Variants in RGN observed in about 807,000 individuals in gnomAD.
The protein encoded by RGN is regucalcin.
RGN carries 19 observed loss-of-function variants against 20.6 expected under a neutral mutation model. That is an observed-to-expected ratio of 0.92 (90% CI 0.64 to 1.35). The LOEUF (loss-of-function observed/expected upper bound fraction) is 1.35, where lower values mean the gene tolerates loss of function less well. Among genes scored for constraint, RGN ranks in the 40% most tolerant of loss-of-function variants. The pLI is 0.00. For missense variants in RGN, 302 were observed against 232.7 expected (o/e 1.30, Z -1.94); for synonymous variants, 85 against 87.2 (o/e 0.97, Z 0.14).
chrX:47,083,707 T>C (rs1056489687), intron 3 of RGN, among the ~76,000 whole-genome samples: 6 of 111,549 alleles, frequency 5.4e-5, no homozygotes, highest in Non-Finnish European at 1.1e-4. Context: ...GGTCAGGAGT[T>C]CGAAATCAGC....
chrX:47,091,177 C>T (rs1556387699), intron 5 of RGN, among the ~76,000 whole-genome samples: 1 of 111,051 alleles, frequency 9.0e-6, no homozygotes, highest in African/African-American at 3.3e-5. Context: ...CTGAGTGCCC[C>T]TCCTGCAAGA....
chrX:47,090,924 GAAAGAAAGAAAGAAAGA>G (rs1930944180), intron 5 of RGN, among the ~76,000 whole-genome samples: 1 of 22,234 alleles, frequency 4.5e-5, no homozygotes, highest in African/African-American at 1.4e-4. Flanking sequence ...AGGAAAGAAA[GAAAGAAAGAAAGAAAGA>G]AAGAAAGAAA....
chrX:47,082,156 A>G (rs563905563), intron 3 of RGN, among the ~76,000 whole-genome samples: 1 of 111,448 alleles, frequency 9.0e-6, no homozygotes, highest in South Asian at 3.8e-4. Context: ...GAAGGGATTT[A>G]TCACTTTCTA....
chrX:47,081,243 C>G lies in RGN; in HGVS notation c.99C>G (p.Asp33Glu), dbSNP rs1167265020. 10 of 1,207,375 alleles carry G rather than the reference C, an allele frequency of 8.3e-6. No homozygotes were observed. The highest frequency in any genetic ancestry group is 1.1e-5 in the Non-Finnish European group (10 of 893,186). Residue 33 changes from aspartate to glutamate, a missense_variant, in exon 3 of 8, where the codon GAC (aspartate) becomes GAG (glutamate). Coordinates refer to ENST00000397180, the MANE Select transcript of RGN (RefSeq NM_152869.4). The part of the protein sequence containing the change: ...EEVSNSLLFV[D>E]IPAKKVCRWD... ...TGTCCAACTCTCTGCTCTTTGTAGACATTCCTGCAAAAAAGGTTTGCCGGT... is the reference window on the plus strand; with the variant it reads ...TGTCCAACTCTCTGCTCTTTGTAGAGATTCCTGCAAAAAAGGTTTGCCGGT...
chrX:47,091,632 G>C, intron 5 of RGN, 46 bp from the exon 6 acceptor site: 1 of 1,178,413 alleles, frequency 8.5e-7, no homozygotes, highest in Non-Finnish European at 1.1e-6. Context: ...TTAGTGGCCT[G>C]TTGTTTTGTT....
chrX:47,081,798 C>T (rs782713643), intron 3 of RGN, among the ~76,000 whole-genome samples: 4 of 111,846 alleles, frequency 3.6e-5, no homozygotes, highest in Non-Finnish European at 7.5e-5. Context: ...CCACCCACTT[C>T]GACCTCCCAA....
rs1930238992 is a variant in RGN, at chrX:47,080,324, TTC to T, written c.-624_-623del. 1 of 112,322 alleles carries T rather than the reference TTC, an allele frequency of 8.9e-6. No homozygotes were observed. The highest frequency in any genetic ancestry group is 3.7e-4 in the South Asian group (1 of 2,714). The allele number at this position is 112,322 out of a possible 1,213,427, so 9.3% of individuals were successfully genotyped here. A position where few individuals can be genotyped will look rare whatever the true frequency, so the allele number is the denominator to read the frequency against. On this transcript the variant is annotated 5_prime_UTR_variant, in exon 2 of 8. Transcript: ENST00000397180. ...ATTTTTTCTCCTTTTCAGATAATTTTTCTCTGTCTTCTCCCAGTTCGCTGGTC... is the reference window on the plus strand; with the variant it reads ...ATTTTTTCTCCTTTTCAGATAATTTTTCTGTCTTCTCCCAGTTCGCTGGTC...
intron 3 of RGN, 56 bp from the exon 4 acceptor site, chrX:47,084,362 A>G: frequency 9.6e-7 from 1 of 1,036,744 alleles, no homozygotes; most frequent in Non-Finnish European, 1.3e-6. Context: ...CAGTGATCTC[A>G]GTGGCCTCAG....
At chrX:47,085,310 G>A (rs1197913042) in intron 4 of RGN, among the ~76,000 whole-genome samples, 4 of 111,449 alleles carry the variant, frequency 3.6e-5, no homozygotes, top group Non-Finnish European at 7.5e-5. Flanking sequence ...ACGAGGTCAG[G>A]AGATTTGAGA....
rs199616987 is a variant in RGN, at chrX:47,083,921, C to CAA, written c.164-495_164-494dup. On this transcript the variant is annotated intron_variant, in intron 3 of 7. Coordinates refer to ENST00000397180, the MANE Select transcript of RGN (RefSeq NM_152869.4). ...GAGCAAAACTCTGTCTCAAACAAAA[C>CAA]AAACAAAAAAAAAAATGCAAATCCT... Among the ~76,000 whole-genome samples the CAA allele has an allele frequency of 6.6e-5, 4 of 60,630 alleles. 1 individual carries two copies. The highest frequency in any genetic ancestry group is 4.1e-4 in the East Asian group (1 of 2,441). 52.6% of individuals were successfully genotyped at this position (60,630 alleles called of 115,157 possible).
At chrX:47,078,974 T>C (rs782167293) in intron 1 of RGN, among the ~76,000 whole-genome samples, 265 of 97,689 alleles carry the variant, frequency 2.7e-3, no homozygotes, top group Middle Eastern at 9.9e-3. Context: ...TTTTTTTTTT[T>C]TCCGAGACAA....
chrX:47,092,945 T>C lies in RGN; in HGVS notation c.898T>C (p.Ter300ArgextTer15), dbSNP rs782802984. The change falls in exon 8 of 8, where the codon TGA (stop) becomes CGA (arginine). Residue 300 changes from the stop codon to arginine (R), a stop_lost. Transcript: ENST00000397180. The stretch of plus-strand genomic sequence containing the variant: ...AATTGCTCCCTACTCCTATGCGGGA[T>C]GAGGACAGGTCTTCTTTCCTGCCAG... ...KGIAPYSYAG[*>R] 1 of 1,198,644 alleles carries C rather than the reference T, an allele frequency of 8.3e-7. No individual in the cohort carries two copies. The highest frequency in any genetic ancestry group is 1.7e-5 in the African/African-American group (1 of 57,661).
intron 1 of RGN, among the ~76,000 whole-genome samples, chrX:47,080,001 AG>A (rs1930226493): frequency 9.0e-6 from 1 of 110,894 alleles, no homozygotes; most frequent in African/African-American, 3.3e-5. Context: ...CTCCCACCTC[AG>A]GCTCCCGAGT....
At chrX:47,091,230 G>T (rs1240078215) in intron 5 of RGN, among the ~76,000 whole-genome samples, 4 of 111,186 alleles carry the variant, frequency 3.6e-5, no homozygotes, top group Non-Finnish European at 7.5e-5. Context: ...GGAGCACTCA[G>T]TCAGGCAGAA....
In RGN at chrX:47,081,320, G is replaced by A; in HGVS notation, c.163+13G>A. On this transcript the variant is annotated intron_variant, in intron 3 of 7. Coordinates refer to ENST00000397180, the MANE Select transcript of RGN (RefSeq NM_152869.4). Reference sequence around the variant, plus strand: ...CGAGTGACCATGGGTAAGGATGAAGGCTGGACTCAGATCAGCCAGCTACCT... The same window carrying A: ...CGAGTGACCATGGGTAAGGATGAAGACTGGACTCAGATCAGCCAGCTACCT... 1 of 1,206,516 alleles carries A rather than the reference G, an allele frequency of 8.3e-7. No homozygotes were observed. The highest frequency in any genetic ancestry group is 1.1e-6 in the Non-Finnish European group (1 of 891,954).
chrX:47,084,271 C>T (rs1556382853), intron 3 of RGN, 147 bp from the exon 4 acceptor site: 1 of 424,990 alleles, frequency 2.4e-6, no homozygotes, highest in African/African-American at 2.5e-5. Flanking sequence ...GGTTACATAG[C>T]CTTCCCTACT....
At chrX:47,079,973 T>G (rs966250834) in intron 1 of RGN, among the ~76,000 whole-genome samples, 1 of 110,523 alleles carries the variant, frequency 9.0e-6, no homozygotes, top group Non-Finnish European at 1.9e-5. Context: ...AGCCTCCACC[T>G]CCTGAACTCA....
intron 6 of RGN, 73 bp from the exon 7 acceptor site, chrX:47,091,988 A>G: frequency 2.9e-6 from 3 of 1,019,601 alleles, no homozygotes; most frequent in Non-Finnish European, 4.0e-6. Flanking sequence ...GTCTTCTTAG[A>G]TCTTCCCTAG....
intron 4 of RGN, among the ~76,000 whole-genome samples, chrX:47,089,096 G>C (rs1160330611): frequency 2.0e-5 from 1 of 49,125 alleles, no homozygotes; most frequent in Non-Finnish European, 4.5e-5. Flanking sequence ...GGGAGGCTGA[G>C]GTAGGAGAAT....
Sources: allele counts gnomAD v4.1 joint callset (sites outside exome capture counted in the v4.1 genomes callset), GRCh38; gene constraint gnomAD v4.1.1; transcripts MANE v1.5; gene names NCBI Gene and HGNC (gene_info 2026-07-23, HGNC 2026-07-21).